LRP1B: variants seen among roughly 807,000 people sequenced by gnomAD.
LRP1B encodes LDL receptor related protein 1B.
A neutral mutation model predicts 556.6 loss-of-function variants in LRP1B; 217 were observed. That is an observed-to-expected ratio of 0.39 (90% CI 0.35 to 0.44). LRP1B has a LOEUF of 0.44. LRP1B is among the 20% of genes least tolerant of loss of function. The pLI is 1.00. For missense variants in LRP1B, 5,053 were observed against 5,620.8 expected (o/e 0.90, Z 3.23); for synonymous variants, 2,047 against 1,865.8 (o/e 1.10, Z -2.50).
intron 2 of LRP1B, among the ~76,000 whole-genome samples, chr2:141,587,390 TATAA>T (rs1344243355): frequency 6.6e-6 from 1 of 152,254 alleles, no homozygotes; most frequent in Non-Finnish European, 1.5e-5. Flanking sequence ...TGCTACTTTC[TATAA>T]ATAGTGCTTC....
intron 1 of LRP1B, among the ~76,000 whole-genome samples, chr2:142,119,115 A>G (rs960905036): frequency 6.6e-5 from 10 of 152,142 alleles, no homozygotes; most frequent in African/African-American, 2.4e-4. Context: ...TTATTTAGGC[A>G]TTTCTAAAAT....
intron 68 of LRP1B, among the ~76,000 whole-genome samples, chr2:140,374,078 C>T (rs2105174285): frequency 6.6e-6 from 1 of 152,204 alleles, no homozygotes; most frequent in Admixed American, 6.5e-5. Context: ...AGTCCATATA[C>T]AGATTTTATG....
intron 77 of LRP1B, among the ~76,000 whole-genome samples, chr2:140,350,542 T>A (rs1447277305): frequency 6.6e-6 from 1 of 152,050 alleles, no homozygotes; most frequent in Non-Finnish European, 1.5e-5. Context: ...CTGGAGATGT[T>A]ATATGTCATT....
chr2:141,952,727 C>T (rs969885365), intron 1 of LRP1B, among the ~76,000 whole-genome samples: 4 of 152,134 alleles, frequency 2.6e-5, no homozygotes, highest in African/African-American at 9.7e-5. Flanking sequence ...AACAATTAAA[C>T]CCTTCCTTAT....
chr2:140,290,973 C>A (rs1003883931), intron 84 of LRP1B, among the ~76,000 whole-genome samples: 6 of 151,944 alleles, frequency 3.9e-5, no homozygotes, highest in East Asian at 1.9e-4. Context: ...ATGTTGTTGG[C>A]ACTTGCAAAT....
intron 31 of LRP1B, among the ~76,000 whole-genome samples, chr2:140,837,397 T>C (rs1691942665): frequency 6.6e-6 from 1 of 152,228 alleles, no homozygotes; most frequent in Non-Finnish European, 1.5e-5. Context: ...TAAAAATCTA[T>C]TTATTGAATA....
intron 2 of LRP1B, among the ~76,000 whole-genome samples, chr2:141,691,129 T>C (rs532920263): frequency 6.5e-4 from 99 of 152,014 alleles, no homozygotes; most frequent in African/African-American, 2.3e-3. Context: ...GTAATTACTG[T>C]AAGGACTTTG....
At chr2:140,345,761 T>TATATATACAC (rs1558817927) in intron 77 of LRP1B, among the ~76,000 whole-genome samples, 2 of 131,796 alleles carry the variant, frequency 1.5e-5, no homozygotes, top group African/African-American at 6.0e-5. Context: ...CATATATACA[T>TATATATACAC]ATATACACAT....
chr2:140,245,505 A>T (rs1387214012), intron 87 of LRP1B, among the ~76,000 whole-genome samples: 1 of 151,366 alleles, frequency 6.6e-6, no homozygotes, highest in African/African-American at 2.4e-5. Context: ...TCGATCATTG[A>T]GAAACTACCA....
At chr2:142,087,358 G>A (rs1389924523) in intron 1 of LRP1B, among the ~76,000 whole-genome samples, 1 of 151,850 alleles carries the variant, frequency 6.6e-6, no homozygotes, top group Non-Finnish European at 1.5e-5. Flanking sequence ...TTGCAGGCTT[G>A]ACATGTCTTA....
At chr2:141,627,695 G>A (rs552780005) in intron 2 of LRP1B, among the ~76,000 whole-genome samples, 4 of 152,262 alleles carry the variant, frequency 2.6e-5, no homozygotes, top group South Asian at 4.2e-4. Context: ...AAACACTGTC[G>A]TCCACGAAAC....
At chr2:141,594,609 T>C (rs905946538) in intron 2 of LRP1B, among the ~76,000 whole-genome samples, 9 of 152,062 alleles carry the variant, frequency 5.9e-5, no homozygotes, top group Admixed American at 5.9e-4. Flanking sequence ...AGAATGCAAA[T>C]ATAAAGTGAT....
intron 86 of LRP1B, among the ~76,000 whole-genome samples, chr2:140,259,476 T>C (rs1681836801): frequency 1.3e-5 from 2 of 152,028 alleles, no homozygotes; most frequent in Admixed American, 1.3e-4. Flanking sequence ...TTGAGAATCA[T>C]AGTAAAATAA....
At chr2:141,079,333 C>T (rs1266534326) in intron 7 of LRP1B, among the ~76,000 whole-genome samples, 1 of 152,160 alleles carries the variant, frequency 6.6e-6, no homozygotes, top group Non-Finnish European at 1.5e-5. Context: ...TTTTGAGTTT[C>T]TACTGAAGTA....
intron 1 of LRP1B, among the ~76,000 whole-genome samples, chr2:142,030,922 T>G (rs1268559911): frequency 1.3e-5 from 2 of 151,912 alleles, no homozygotes; most frequent in Non-Finnish European, 2.9e-5. Context: ...TGTTCCTCAG[T>G]CCCGTTGCAA....
intron 2 of LRP1B, among the ~76,000 whole-genome samples, chr2:141,552,663 T>A (rs1451246482): frequency 6.6e-6 from 1 of 151,964 alleles, no homozygotes; most frequent in African/African-American, 2.4e-5. Flanking sequence ...TAAATTCCCT[T>A]TGTATTAAAA....
chr2:140,609,798 A>T (rs1430661684), intron 41 of LRP1B, among the ~76,000 whole-genome samples: 1 of 152,044 alleles, frequency 6.6e-6, no homozygotes, highest in African/African-American at 2.4e-5. Flanking sequence ...TCTGTCCCTA[A>T]CTAGCCTTCC....
At chr2:141,109,634 A>G (rs1162206585) in intron 7 of LRP1B, among the ~76,000 whole-genome samples, 1 of 150,116 alleles carries the variant, frequency 6.7e-6, no homozygotes, top group East Asian at 2.0e-4. Flanking sequence ...TACTTGCCTA[A>G]GTGTAGGGAG....
intron 6 of LRP1B, among the ~76,000 whole-genome samples, chr2:141,207,470 T>C (rs1265109467): frequency 1.3e-5 from 2 of 152,234 alleles, no homozygotes; most frequent in Non-Finnish European, 2.9e-5. Flanking sequence ...TGAAATATTC[T>C]ATCAAGTCAC....
Sources: allele counts gnomAD v4.1 joint callset (sites outside exome capture counted in the v4.1 genomes callset), GRCh38; gene constraint gnomAD v4.1.1; transcripts MANE v1.5; gene names NCBI Gene and HGNC (gene_info 2026-07-23, HGNC 2026-07-21).